Variants in MRM1 observed in about 807,000 individuals in gnomAD.
MRM1 encodes rRNA methyltransferase 1, mitochondrial.
MRM1 carries 24 observed loss-of-function variants against 25.0 expected under a neutral mutation model. The observed-to-expected ratio is 0.96, with a 90% confidence interval of 0.69 to 1.35. The LOEUF is 1.35. Among genes scored for constraint, MRM1 ranks in the 40% most tolerant of loss-of-function variants. The pLI is 0.00. For missense variants in MRM1, 431 were observed against 464.1 expected (o/e 0.93, Z 0.65); for synonymous variants, 188 against 199.2 (o/e 0.94, Z 0.47).
downstream of MRM1, among the ~76,000 whole-genome samples, chr17:36,612,581 T>C (rs998174899): frequency 6.6e-6 from 1 of 152,150 alleles, no homozygotes; most frequent in Non-Finnish European, 1.5e-5. Context: ...GTCCATCCCC[T>C]GCAGGGCAAA....
rs751610897 is a variant in MRM1, at chr17:36,607,676, G to A, written c.643G>A (p.Ala215Thr). Residue 215 changes from alanine (A) to threonine (T), a missense_variant, in exon 3 of 5, where the codon GCC becomes ACC. Physicochemically the swap from Ala to Thr is moderately conservative, Grantham distance 58. Transcript: ENST00000614766. ...DDLTGFLQTK[A>T]QQGWLVAGTV... The stretch of plus-strand genomic sequence containing the variant: ...ATCTTCTTCCCCCTTTCAGACCAAA[G>A]CCCAGCAGGGCTGGCTCGTGGCCGG... 1.2e-5 allele frequency: 20 copies of A among 1,612,960 alleles called. No homozygotes were observed. Among genetic ancestry groups the A allele is most frequent in the Non-Finnish European group, 1.6e-5 (19 of 1,179,602 alleles).
At chr17:36,613,526 C>T (rs569518160), downstream of MRM1, among the ~76,000 whole-genome samples, 3 of 152,334 alleles carry the variant, frequency 2.0e-5, no homozygotes, top group South Asian at 2.1e-4. Flanking sequence ...CCAGCCAGAA[C>T]CCCTCTGCCT....
Position 36,606,607 on chromosome 17 carries a change from CT to C in MRM1, c.637-1049del, listed in dbSNP as rs71159627. Among the ~76,000 whole-genome samples the C allele has an allele frequency of 4.2e-3, 600 of 142,696 alleles. 1 individual carries two copies. The highest frequency in any genetic ancestry group is 6.0e-3 in the Non-Finnish European group (394 of 65,334). The allele number at this position is 142,696 out of a possible 152,430, so 93.6% of individuals were successfully genotyped here. A position where few individuals can be genotyped will look rare whatever the true frequency, so the allele number is the denominator to read the frequency against. ...GTTTCACCATGATGCTCAGGCTAGT[CT>C]TTTTTTTTTTTTTGAGACAGAGTGG... On this transcript the variant is annotated intron_variant, in intron 2 of 4. Coordinates refer to ENST00000614766, the MANE Select transcript of MRM1 (RefSeq NM_024864.5).
At chr17:36,626,000 C>T in the MRM1 span, among the ~76,000 whole-genome samples, 7 of 152,200 alleles carry the variant, frequency 4.6e-5, no homozygotes, top group East Asian at 1.2e-3. Flanking sequence ...CCCGCCGACC[C>T]CCCAACCTGA....
At chr17:36,626,941 T>TCTCA in the MRM1 span, among the ~76,000 whole-genome samples, 1 of 152,188 alleles carries the variant, frequency 6.6e-6, no homozygotes, top group Non-Finnish European at 1.5e-5. Flanking sequence ...ATGTAAATGG[T>TCTCA]GCCCCAGGCC....
chr17:36,621,392 G>A, the MRM1 span, among the ~76,000 whole-genome samples: 1 of 152,154 alleles, frequency 6.6e-6, no homozygotes, highest in African/African-American at 2.4e-5. Flanking sequence ...TGTTCTGACA[G>A]GTGGGGCTAA....
chr17:36,607,182 G>A (rs1438149174), intron 2 of MRM1, among the ~76,000 whole-genome samples: 1 of 150,380 alleles, frequency 6.6e-6, no homozygotes, highest in Non-Finnish European at 1.5e-5. Flanking sequence ...CCAAAGTGCT[G>A]GGGATTACAG....
At chr17:36,605,140 CAAAA>C (rs35958806) in intron 2 of MRM1, among the ~76,000 whole-genome samples, 1 of 120,318 alleles carries the variant, frequency 8.3e-6, no homozygotes, top group Non-Finnish European at 1.7e-5. Flanking sequence ...AACTCTATCT[CAAAA>C]AAAAAAAAAA....
At chr17:36,616,118 A>G in the MRM1 span, among the ~76,000 whole-genome samples, 1 of 152,190 alleles carries the variant, frequency 6.6e-6, no homozygotes, top group South Asian at 2.1e-4. Flanking sequence ...TAGACCTTCA[A>G]GCAGGAATCA....
At chr17:36,610,689 T>C (rs1388110541), downstream of MRM1, among the ~76,000 whole-genome samples, 1 of 152,224 alleles carries the variant, frequency 6.6e-6, no homozygotes, top group Non-Finnish European at 1.5e-5. Context: ...AAGTGCCTAG[T>C]GTAGTGATGT....
rs761303842 is a variant in MRM1 at position 36,601,903 on chromosome 17, T to C, written c.93T>C (p.Gly31=). ...CAGCGCGGCATGGGGAGCGGCCTGGTGGGGAGGAGCTAAGCCGCTTGCTGC... is the reference window on the plus strand; with the variant it reads ...CAGCGCGGCATGGGGAGCGGCCTGGCGGGGAGGAGCTAAGCCGCTTGCTGC... ...SHAARHGERP[G]GEELSRLLLD... Residue 31 remains glycine, a synonymous_variant, in exon 1 of 5, where the codon GGT becomes GGC. Coordinates refer to ENST00000614766, the MANE Select transcript of MRM1 (RefSeq NM_024864.5). The C allele has an allele frequency of 6.2e-7, 1 of 1,611,648 alleles. No individual in the cohort carries two copies.
In MRM1 at chr17:36,602,479, T is replaced by G; in HGVS notation, c.543-74T>G. On this transcript the variant is annotated intron_variant, in intron 1 of 4. Coordinates refer to ENST00000614766, the MANE Select transcript of MRM1 (RefSeq NM_024864.5). The surrounding 1 kb of genome is among the most constrained non-coding windows in gnomAD (Gnocchi z 4.1). ...CCAGAACTCTCATCCCCCTAGCCCT[T>G]GGGAGCCCTGGGAGGGTAGGGAGCC... 1.4e-5 allele frequency: 23 copies of G among 1,605,996 alleles called. No individual in the cohort carries two copies. Among genetic ancestry groups the G allele is most frequent in the Non-Finnish European group, 2.0e-5 (23 of 1,173,868 alleles).
rs1366075211 is a variant in MRM1 at position 36,602,445 on chromosome 17, T to C, written c.542+93T>C. 6.3e-7 allele frequency: 1 copy of C among 1,578,222 alleles called. No homozygotes were observed. Among genetic ancestry groups the C allele is most frequent in the Non-Finnish European group, 8.6e-7 (1 of 1,158,770 alleles). Reference sequence around the variant, plus strand: ...CCCTTGGGTGATCCCTTAGCCAGACTTACCTGTCCCAGAACTCTCATCCCC... The same window carrying C: ...CCCTTGGGTGATCCCTTAGCCAGACCTACCTGTCCCAGAACTCTCATCCCC... On this transcript the variant is annotated intron_variant, in intron 1 of 4. Transcript: ENST00000614766. The surrounding 1 kb of genome is among the most constrained non-coding windows in gnomAD (Gnocchi z 4.1).
rs367649431 is a variant in MRM1 at position 36,602,567 on chromosome 17, C to T, written c.557C>T (p.Pro186Leu). Residue 186 changes from proline (P) to leucine (L), a missense_variant, in exon 2 of 5, where the codon CCA (proline) becomes CTA (leucine). Pro to Leu is a moderately conservative substitution (Grantham distance 98). Transcript: ENST00000614766. This position sits in a 1 kb window ranked among gnomAD's most constrained non-coding sequence, Gnocchi z 4.1. ...TSRRNSCPLT[P>L]VVSKSSAGAM... ...AAACCTTGCAGCTGCCCGCTCACTC[C>T]AGTAGTCAGCAAGTCCAGCGCGGGG... 5.6e-6 allele frequency: 9 copies of T among 1,614,066 alleles called. No individual in the cohort carries two copies. In the African/African-American group the frequency reaches 8.0e-5, roughly 14 times the overall value.
chr17:36,623,524 T>C, the MRM1 span, among the ~76,000 whole-genome samples: 1 of 152,170 alleles, frequency 6.6e-6, no homozygotes, highest in African/African-American at 2.4e-5. Flanking sequence ...TGATAACTGG[T>C]TTGTCTCCTC....
In MRM1 at chr17:36,602,466, TCC is replaced by T. The variant is rs1567845829; in HGVS notation, c.543-83_543-82del. On this transcript the variant is annotated intron_variant, in intron 1 of 4. Coordinates refer to ENST00000614766, the MANE Select transcript of MRM1 (RefSeq NM_024864.5). The surrounding 1 kb of genome is among the most constrained non-coding windows in gnomAD (Gnocchi z 4.1). ...AGACTTACCTGTCCCAGAACTCTCA[TCC>T]CCCTAGCCCTTGGGAGCCCTGGGAG... 8 of 1,594,028 alleles carry T rather than the reference TCC, an allele frequency of 5.0e-6. No homozygotes were observed. The highest frequency in any genetic ancestry group is 6.0e-6 in the Non-Finnish European group (7 of 1,166,328).
At chr17:36,621,435 G>A in the MRM1 span, among the ~76,000 whole-genome samples, 1 of 152,118 alleles carries the variant, frequency 6.6e-6, no homozygotes, top group African/African-American at 2.4e-5. Context: ...CTGCCTGTCT[G>A]TCTATCCTCT....
the MRM1 span, among the ~76,000 whole-genome samples, chr17:36,622,481 A>G: frequency 1.3e-5 from 2 of 151,864 alleles, no homozygotes; most frequent in Non-Finnish European, 2.9e-5. Context: ...CTGAGACAGG[A>G]TAATCACTTG....
chr17:36,617,351 T>G, the MRM1 span, among the ~76,000 whole-genome samples: 1 of 151,888 alleles, frequency 6.6e-6, no homozygotes, highest in Non-Finnish European at 1.5e-5. Context: ...ATGATGCCCT[T>G]GGCATATGGT....
Sources: gnomAD v4.1 joint callset for allele counts (sites outside exome capture counted in the v4.1 genomes callset) on GRCh38, gnomAD v4.1.1 for gene constraint, Gnocchi (gnomAD v3.1) non-coding constraint, MANE v1.5 for transcripts, NCBI Gene and HGNC (gene_info 2026-07-23, HGNC 2026-07-21) for gene names.